The following RGPD3 variants were observed in gnomAD, a reference collection of about 807,000 sequenced individuals.
The protein encoded by RGPD3 is ranBP2-like and GRIP domain-containing protein 3.
Under a neutral mutation model 154.5 loss-of-function variants are expected in RGPD3, and 62 were observed. The ratio of observed to expected loss-of-function variants is 0.40; its 90% CI spans 0.33 to 0.50. The LOEUF is 0.50. Ranked by LOEUF, RGPD3 falls within the 20% of genes least tolerant of loss-of-function variation. The pLI is 0.59. For missense variants in RGPD3, 919 were observed against 1,716.8 expected (o/e 0.54, Z 8.21); for synonymous variants, 308 against 607.0 (o/e 0.51, Z 7.24).
chr2:106,440,501 G>C (rs1161024934), intron 8 of RGPD3, among the ~76,000 whole-genome samples: 2 of 150,358 alleles, frequency 1.3e-5, no homozygotes, highest in Admixed American at 6.6e-5. Flanking sequence ...AGAAGGAAAA[G>C]AGAAAAGGAA....
chr2:106,409,188 G>A (rs1453696269), intron 22 of RGPD3, among the ~76,000 whole-genome samples: 4 of 152,154 alleles, frequency 2.6e-5, no homozygotes, highest in Admixed American at 6.5e-5. Context: ...TTCAGTGCCA[G>A]GAAGAGTGGC....
Position 106,457,050 on chromosome 2 carries a change from A to G in RGPD3, c.326T>C (p.Val109Ala). 2 of 1,611,640 alleles carry G rather than the reference A, an allele frequency of 1.2e-6. No homozygotes were observed. The highest frequency in any genetic ancestry group is 1.7e-6 in the Non-Finnish European group (2 of 1,179,638). The change falls in exon 4 of 23, where the codon GTT (valine) becomes GCT (alanine). Residue 109 changes from valine to alanine, a missense_variant. By Grantham distance (64) the Val-to-Ala change is moderately conservative. Transcript: ENST00000409886. ...KIAELLCKND[V>A]TDGRAEYWVE... ...CCAGTATTCTGCTCTTCCATCAGTA[A>G]CATCATTTTTACAAAGCAATTCTGC...
chr2:106,425,111 A>G lies in RGPD3; in HGVS notation c.2856T>C (p.Ile952=), dbSNP rs1290599322. The part of the protein sequence containing the change: ...ENDTGLQAQD[I]SGRKKGRGVI... ...CACCACGGCCCTTCTTCCGGCCACT[A>G]ATATCCTGAGCCTGTAAGCCAGTAT... Residue 952 remains isoleucine (I), a synonymous_variant, in exon 20 of 23, where the codon ATT becomes ATC. Transcript: ENST00000409886. The G allele has an allele frequency of 2.5e-6, 4 of 1,611,966 alleles. No individual in the cohort carries two copies. The highest frequency in any genetic ancestry group is 1.7e-5 in the Admixed American group (1 of 59,998).
Position 106,441,363 on chromosome 2 carries a change from A to G in RGPD3, c.996T>C (p.Ile332=). The G allele has an allele frequency of 6.5e-7, 1 of 1,541,042 alleles. No homozygotes were observed. Among genetic ancestry groups the G allele is most frequent in the Non-Finnish European group, 8.8e-7 (1 of 1,142,190 alleles). Residue 332 remains isoleucine (I), a synonymous_variant, in exon 8 of 23, where the codon ATT becomes ATC. Transcript: ENST00000409886. ...LIAFQVPRPK[I]KLIKGEAGQN... is the part of the protein sequence containing the mutation. ...GTCCAGCTTCACCTTTTATTAATTT[A>G]ATCTTTGGTCTTGGAACCTAATAAT...
At chr2:106,425,383 T>C in intron 19 of RGPD3, 117 bp from the exon 20 acceptor site, 1 of 1,430,882 alleles carries the variant, frequency 7.0e-7, no homozygotes, top group Non-Finnish European at 9.5e-7. Flanking sequence ...ATGATGATGA[T>C]GATGATGATA....
At position 106,413,212 on chromosome 2, in the gene RGPD3, A is replaced by T. The variant is rs759968985; in HGVS notation, c.5138T>A (p.Leu1713Ter). 1 of 1,612,000 alleles carries T rather than the reference A, an allele frequency of 6.2e-7. No individual in the cohort carries two copies. The change falls in exon 22 of 23, where the codon TTG (leucine) becomes TAG (stop). Residue 1713 changes from leucine (L) to a stop codon, truncating the protein, a stop_gained. Coordinates refer to ENST00000409886, the MANE Select transcript of RGPD3 (RefSeq NM_001144013.2). LOFTEE classifies it high-confidence loss of function. The part of the protein sequence containing the change: ...QEVSAANVEH[L>*]KNVLLQFIFL... ...AATGAACTGCAGCAAGACGTTCTTC[A>T]AGTGTTCCACGTTAGCTGCAGACAC...
Position 106,424,623 on chromosome 2 carries a change from G to A in RGPD3, c.3344C>T (p.Thr1115Met), listed in dbSNP as rs534325470. The change falls in exon 20 of 23, where the codon ACG (threonine) becomes ATG (methionine). Residue 1115 changes from threonine to methionine, a missense_variant. Transcript: ENST00000409886. ...GAGGGGCTTCAGGTTCATTGTAGTC[G>A]TTATCCAATGATTAGCACACACTTT... The part of the protein sequence containing the change: ...VLKVCANHWI[T>M]TTMNLKPLSG... The A allele has an allele frequency of 9.4e-5, 152 of 1,611,814 alleles. No homozygotes were observed. The highest frequency in any genetic ancestry group is 2.9e-4 in the East Asian group (13 of 44,852).
intron 22 of RGPD3, among the ~76,000 whole-genome samples, chr2:106,411,715 G>T (rs1676676238): frequency 6.6e-6 from 1 of 152,006 alleles, no homozygotes; most frequent in Admixed American, 6.6e-5. Context: ...CTACTTGGGA[G>T]GCTGAGGCAG....
At position 106,450,134 on chromosome 2, in the gene RGPD3, C is replaced by T. The variant is rs891707056; in HGVS notation, c.782+2071G>A. ...GTGGCTCATGCCTGTAATCCCAACA[C>T]TTTGGGAGGCCGAGGAGGGCAGATC... On this transcript the variant is annotated intron_variant, in intron 6 of 22. Transcript: ENST00000409886. Among the ~76,000 whole-genome samples, 68 of 142,054 alleles carry T rather than the reference C, an allele frequency of 4.8e-4. 1 individual carries two copies. The highest frequency in any genetic ancestry group is 1.7e-3 in the African/African-American group (66 of 38,308). The allele number at this position is 142,054 out of a possible 152,430, so 93.2% of individuals were successfully genotyped here. A position where few individuals can be genotyped will look rare whatever the true frequency, so the allele number is the denominator to read the frequency against.
intron 6 of RGPD3, among the ~76,000 whole-genome samples, chr2:106,451,184 T>G (rs1398556537): frequency 1.3e-5 from 2 of 151,252 alleles, no homozygotes; most frequent in African/African-American, 4.9e-5. Flanking sequence ...TAAAAGGAAC[T>G]TGTGACCAAA....
intron 6 of RGPD3, among the ~76,000 whole-genome samples, chr2:106,451,219 AAAT>A (rs1195490394): frequency 6.6e-6 from 1 of 151,900 alleles, no homozygotes; most frequent in Non-Finnish European, 1.5e-5. Context: ...AAAGAACACA[AAAT>A]AAAACATCCT....
At chr2:106,437,392 G>A (rs1296751471) in intron 9 of RGPD3, among the ~76,000 whole-genome samples, 4 of 144,408 alleles carry the variant, frequency 2.8e-5, no homozygotes, top group Non-Finnish European at 6.1e-5. Flanking sequence ...CGTGCCTATA[G>A]TCCCAGCTAC....
intron 7 of RGPD3, among the ~76,000 whole-genome samples, chr2:106,441,805 A>G (rs1183306807): frequency 1.5e-5 from 2 of 132,428 alleles, no homozygotes; most frequent in Non-Finnish European, 3.1e-5. Flanking sequence ...CAGAGGTTGT[A>G]GTGCGCCGAG....
intron 22 of RGPD3, among the ~76,000 whole-genome samples, chr2:106,407,535 C>T (rs978849957): frequency 6.7e-6 from 1 of 150,372 alleles, no homozygotes; most frequent in African/African-American, 2.4e-5. Context: ...TAAAGAGAAC[C>T]AGATGACTAT....
At chr2:106,418,176 C>T (rs1422919328) in intron 20 of RGPD3, among the ~76,000 whole-genome samples, 3 of 144,900 alleles carry the variant, frequency 2.1e-5, no homozygotes, top group Non-Finnish European at 4.5e-5. Flanking sequence ...CTTTTAACTA[C>T]GTTAGTCATT....
chr2:106,405,514 C>T (rs898504251), intron 22 of RGPD3, among the ~76,000 whole-genome samples: 3 of 151,274 alleles, frequency 2.0e-5, no homozygotes, highest in African/African-American at 7.3e-5. Context: ...CAACTGGGAC[C>T]ACAAGGTGTG....
At chr2:106,432,258 G>A (rs1443815215) in intron 17 of RGPD3, among the ~76,000 whole-genome samples, 1 of 148,282 alleles carries the variant, frequency 6.7e-6, no homozygotes, top group Non-Finnish European at 1.5e-5. Flanking sequence ...TTCAAAACCA[G>A]CTTGGCCAAC....
At chr2:106,420,851 C>G (rs1676962112) in intron 20 of RGPD3, among the ~76,000 whole-genome samples, 2 of 152,382 alleles carry the variant, frequency 1.3e-5, no homozygotes, top group Middle Eastern at 3.4e-3. Context: ...TCATAGTTCA[C>G]TGAAGCCTGG....
At chr2:106,435,845 AT>A (rs1217914843) in intron 12 of RGPD3, among the ~76,000 whole-genome samples, 6 of 151,872 alleles carry the variant, frequency 4.0e-5, no homozygotes, top group Non-Finnish European at 8.8e-5. Context: ...CCTTGTGCTA[AT>A]TTTTTTTTAA....
Sources: allele counts gnomAD v4.1 joint callset (sites outside exome capture counted in the v4.1 genomes callset), GRCh38; gene constraint gnomAD v4.1.1; transcripts MANE v1.5; gene names NCBI Gene and HGNC (gene_info 2026-07-23, HGNC 2026-07-21).